SKI: variants seen among roughly 807,000 people sequenced by gnomAD.
SKI encodes the protein SKI proto-oncogene.
In SKI, 23 loss-of-function variants were observed where a neutral mutation model predicts 59.3. That is an observed-to-expected ratio of 0.39 (90% CI 0.28 to 0.55). SKI has a LOEUF of 0.55. Ranked by LOEUF, SKI falls within the 20% of genes least tolerant of loss-of-function variation. SKI has a pLI of 0.67. For synonymous variants in SKI, 673 were observed against 488.6 expected (o/e 1.38, Z -4.98); for missense variants, 1,017 against 1,038.9 (o/e 0.98, Z 0.29).
At chr1:2,259,978 G>A (rs900602033) in intron 1 of SKI, among the ~76,000 whole-genome samples, 1 of 152,178 alleles carries the variant, frequency 6.6e-6, no homozygotes, top group Non-Finnish European at 1.5e-5. Context: ...GTGAACATTC[G>A]GGTACAAGTT....
In SKI at chr1:2,264,838, A is replaced by C. The variant is rs545058861; in HGVS notation, c.969+35103A>C. On this transcript the variant is annotated intron_variant, in intron 1 of 6. Coordinates refer to ENST00000378536, the MANE Select transcript of SKI (RefSeq NM_003036.4). ...CTTTCCTTTGTTTTTTTGAGACAGAATCTCACTCTGTCACCCAGGCTGAAG... is the reference window on the plus strand; with the variant it reads ...CTTTCCTTTGTTTTTTTGAGACAGACTCTCACTCTGTCACCCAGGCTGAAG... Among the ~76,000 whole-genome samples, 31 of 150,638 alleles carry C rather than the reference A, an allele frequency of 2.1e-4. No homozygotes were observed. The South Asian group carries it at 6.5e-3, about 32-fold the overall frequency.
intron 1 of SKI, among the ~76,000 whole-genome samples, chr1:2,260,026 A>C (rs1011831196): frequency 6.6e-6 from 1 of 152,146 alleles, no homozygotes; most frequent in Non-Finnish European, 1.5e-5. Context: ...CTGGATAGAT[A>C]CCTAGGTGTG....
intron 1 of SKI, among the ~76,000 whole-genome samples, chr1:2,294,719 C>T (rs190095369): frequency 5.3e-5 from 8 of 152,358 alleles, no homozygotes; most frequent in Non-Finnish European, 8.8e-5. Context: ...GGCCCTCCCC[C>T]CGCTAGCTGC....
Position 2,303,857 on chromosome 1 carries a change from G to A in SKI, c.1229G>A (p.Ser410Asn). The A allele has an allele frequency of 1.9e-6, 3 of 1,612,536 alleles. No individual in the cohort carries two copies. In the South Asian group the frequency reaches 3.3e-5, roughly 18 times the overall value. ...CCCTCCAGCTTCTACTCCTACAAGA[G>A]CTTTGAGACAGCCGTGGCGCCCAAC... Reference protein sequence around the residue: ...LIRDSFYSYKSFETAVAPNVA... With the variant: ...LIRDSFYSYKNFETAVAPNVA... Residue 410 changes from serine (S) to asparagine (N), a missense_variant, in exon 4 of 7, where the codon AGC (serine) becomes AAC (asparagine). By Grantham distance (46) the Ser-to-Asn change is conservative. Transcript: ENST00000378536. The surrounding 1 kb of genome is among the most constrained non-coding windows in gnomAD (Gnocchi z 5.6).
At chr1:2,233,571 A>G (rs972467919) in intron 1 of SKI, among the ~76,000 whole-genome samples, 2 of 151,940 alleles carry the variant, frequency 1.3e-5, no homozygotes, top group African/African-American at 4.8e-5. Context: ...CGCGCTTCCC[A>G]GTGGAGGGTC....
intron 1 of SKI, among the ~76,000 whole-genome samples, chr1:2,288,057 C>T (rs193214671): frequency 2.2e-4 from 34 of 152,110 alleles, no homozygotes; most frequent in Non-Finnish European, 2.6e-4. Flanking sequence ...GGCACGATCT[C>T]GGCTCACCCC....
intron 1 of SKI, among the ~76,000 whole-genome samples, chr1:2,264,661 T>C (rs577742068): frequency 6.6e-6 from 1 of 152,186 alleles, no homozygotes; most frequent in South Asian, 2.1e-4. Context: ...CAGCTTCCCA[T>C]AGTGCTGAGA....
chr1:2,287,822 G>A, intron 1 of SKI, among the ~76,000 whole-genome samples: 1 of 152,152 alleles, frequency 6.6e-6, no homozygotes, highest in East Asian at 1.9e-4. Flanking sequence ...TCCTTTCTGG[G>A]GTCTCCAGTG....
At chr1:2,265,900 G>A (rs890918618) in intron 1 of SKI, among the ~76,000 whole-genome samples, 1 of 152,088 alleles carries the variant, frequency 6.6e-6, no homozygotes, top group Admixed American at 6.5e-5. Context: ...CCCGGGAGGT[G>A]GAGGTTGCAG....
intron 1 of SKI, among the ~76,000 whole-genome samples, chr1:2,291,298 AG>A (rs1640157371): frequency 2.0e-5 from 3 of 152,230 alleles, no homozygotes; most frequent in African/African-American, 7.2e-5. Context: ...GAGGTTTTGC[AG>A]GGCTGTGTGG....
chr1:2,244,552 C>G (rs1383208391), intron 1 of SKI, among the ~76,000 whole-genome samples: 2 of 152,116 alleles, frequency 1.3e-5, no homozygotes, highest in Admixed American at 1.3e-4. Flanking sequence ...TGTACTACAG[C>G]CTGGGTGACA....
chr1:2,228,811 G>C lies in SKI; in HGVS notation c.45G>C (p.Pro15=). The change falls in exon 1 of 7, where the codon CCG becomes CCC. Residue 15 remains proline (P), a synonymous_variant. Coordinates refer to ENST00000378536, the MANE Select transcript of SKI (RefSeq NM_003036.4). ...GCCGCGGCTGTTTCCAGCCGCACCCGGGGCTGCAGAAGACGCTGGAGCAGT... is the reference window on the plus strand; with the variant it reads ...GCCGCGGCTGTTTCCAGCCGCACCCCGGGCTGCAGAAGACGCTGGAGCAGT... ...AGGRGCFQPH[P]GLQKTLEQFH... 1 of 1,353,574 alleles carries C rather than the reference G, an allele frequency of 7.4e-7. No homozygotes were observed. 83.8% of individuals were successfully genotyped at this position (1,353,574 alleles called of 1,614,324 possible). A position where few individuals can be genotyped will look rare whatever the true frequency, so the allele number is the denominator to read the frequency against.
At chr1:2,266,436 C>T (rs575274672) in intron 1 of SKI, among the ~76,000 whole-genome samples, 1 of 152,298 alleles carries the variant, frequency 6.6e-6, no homozygotes, top group East Asian at 1.9e-4. Context: ...CATCTCAACC[C>T]AGTTTCTGCT....
At chr1:2,300,165 G>A (rs546165023) in intron 1 of SKI, among the ~76,000 whole-genome samples, 2 of 152,368 alleles carry the variant, frequency 1.3e-5, no homozygotes, top group East Asian at 3.9e-4. Context: ...TAGCTTGCCT[G>A]GTCATCCTCG....
intron 5 of SKI, 146 bp downstream of exon 5, chr1:2,304,731 G>A: frequency 3.7e-6 from 5 of 1,363,898 alleles, no homozygotes; most frequent in South Asian, 1.5e-5. Context: ...GCCTGCCTGG[G>A]ACCTTGGGGG....
At chr1:2,280,395 C>G (rs985007462) in intron 1 of SKI, among the ~76,000 whole-genome samples, 9 of 151,158 alleles carry the variant, frequency 6.0e-5, no homozygotes, top group Non-Finnish European at 8.9e-5. Flanking sequence ...AAAAGTCTGA[C>G]CACAGCCCCT....
chr1:2,241,455 C>T (rs1202083930), intron 1 of SKI, among the ~76,000 whole-genome samples: 4 of 152,224 alleles, frequency 2.6e-5, no homozygotes, highest in Non-Finnish European at 4.4e-5. Context: ...TGCAGTGCTG[C>T]GATCTCCGCT....
Position 2,269,473 on chromosome 1 carries a change from G to T in SKI, c.970-33505G>T, listed in dbSNP as rs1639570363. The stretch of plus-strand genomic sequence containing the variant: ...CAACGTGGGATGTCCGTCCTCAGCA[G>T]TCTGTGGCCTTCTGTGAAGCAAAGC... On this transcript the variant is annotated intron_variant, in intron 1 of 6. Transcript: ENST00000378536. This position sits in a 1 kb window ranked among gnomAD's most constrained non-coding sequence, Gnocchi z 4.7. Among the ~76,000 whole-genome samples, 1 of 152,264 alleles carries T rather than the reference G, an allele frequency of 6.6e-6. No individual in the cohort carries two copies. The highest frequency in any genetic ancestry group is 6.5e-5 in the Admixed American group (1 of 15,288).
chr1:2,236,183 G>C (rs189512565), intron 1 of SKI, among the ~76,000 whole-genome samples: 120 of 152,282 alleles, frequency 7.9e-4, no homozygotes, highest in African/African-American at 2.8e-3. Flanking sequence ...CCTCTGCTGG[G>C]GTGCTTGTCT....
Sources: gnomAD v4.1 joint callset for allele counts (sites outside exome capture counted in the v4.1 genomes callset) on GRCh38, gnomAD v4.1.1 for gene constraint, Gnocchi (gnomAD v3.1) non-coding constraint, MANE v1.5 for transcripts, NCBI Gene and HGNC (gene_info 2026-07-23, HGNC 2026-07-21) for gene names.